DST: variants seen among roughly 807,000 people sequenced by gnomAD.
The protein encoded by DST is bullous pemphigoid antigen.
In DST, 253 loss-of-function variants were observed where a neutral mutation model predicts 875.2. That is an observed-to-expected ratio of 0.29 (90% CI 0.26 to 0.32). The LOEUF is 0.32. Among genes scored for constraint, DST ranks in the 10% least tolerant of loss-of-function variants. DST has a pLI of 1.00. For missense variants in DST, 8,287 were observed against 9,111.6 expected (o/e 0.91, Z 3.68); for synonymous variants, 3,124 against 3,197.1 (o/e 0.98, Z 0.77).
chr6:56,775,314 A>G (rs1357278131), intron 4 of DST, among the ~76,000 whole-genome samples: 14 of 152,170 alleles, frequency 9.2e-5, no homozygotes, highest in Admixed American at 8.5e-4. Flanking sequence ...CGTCATTACT[A>G]TCCACAAACT....
intron 48 of DST, among the ~76,000 whole-genome samples, chr6:56,592,662 T>C (rs1338562092): frequency 6.6e-6 from 1 of 152,130 alleles, no homozygotes. Context: ...AGGAAGGAGA[T>C]TTTGATACAC....
At chr6:56,512,257 C>T (rs931275002) in intron 72 of DST, among the ~76,000 whole-genome samples, 5 of 152,262 alleles carry the variant, frequency 3.3e-5, no homozygotes, top group South Asian at 2.1e-4. Context: ...TATACTAGTG[C>T]GTGGGTGTAG....
intron 5 of DST, among the ~76,000 whole-genome samples, chr6:56,705,954 A>T (rs2099331132): frequency 6.6e-6 from 1 of 152,250 alleles, no homozygotes; most frequent in South Asian, 2.1e-4. Context: ...ACAAAGTTTA[A>T]AAATACTTTA....
intron 74 of DST, 50 bp from the exon 75 acceptor site, chr6:56,508,805 C>A: frequency 7.1e-7 from 1 of 1,415,442 alleles, no homozygotes; most frequent in African/African-American, 1.4e-5. Context: ...CCCACGTAAC[C>A]AACAAAGCAG....
intron 26 of DST, 101 bp from the exon 27 acceptor site, chr6:56,634,359 G>A: frequency 6.2e-7 from 1 of 1,607,372 alleles, no homozygotes. Context: ...ATGAGTTCTA[G>A]AGACTTTTGA....
chr6:56,531,031 T>A (rs904520285), intron 64 of DST, among the ~76,000 whole-genome samples: 1 of 152,214 alleles, frequency 6.6e-6, no homozygotes, highest in African/African-American at 2.4e-5. Flanking sequence ...CTATTAAACA[T>A]AATTTCTATA....
In DST at chr6:56,608,368, A is replaced by C. The variant is rs745852516; in HGVS notation, c.6260T>G (p.Leu2087Trp). The stretch of plus-strand genomic sequence containing the variant: ...TTCATTTGTAATCAATTCTTGCTGC[A>C]AGGAAGATGATGTGGGAAATATTTC... ...SGEIFPTSSS[L>W]QQELITNELA... The change falls in exon 40 of 104, where the codon TTG becomes TGG. Residue 2087 changes from leucine to tryptophan, a missense_variant. Leu to Trp is a moderately conservative substitution (Grantham distance 61). Around this residue, in one of 10 missense-constraint regions of DST, gnomAD observed 3,138 missense variants for 3,116.6 expected, o/e 1.01. Transcript: ENST00000680361. 1 of 1,612,888 alleles carries C rather than the reference A, an allele frequency of 6.2e-7. No individual in the cohort carries two copies. The highest frequency in any genetic ancestry group is 1.1e-5 in the South Asian group (1 of 91,080).
In DST at chr6:56,918,103, T is replaced by G. The variant is rs900070192; in HGVS notation, c.217-17482A>C. On this transcript the variant is annotated intron_variant, in intron 2 of 103. Transcript: ENST00000680361. Reference sequence around the variant, plus strand: ...TCTACATTGCTCTTTTTATGACATTTCAGGTTCAGGTGTACATTCTTTTTT... The same window carrying G: ...TCTACATTGCTCTTTTTATGACATTGCAGGTTCAGGTGTACATTCTTTTTT... 5.9e-5 allele frequency among the ~76,000 whole-genome samples: 9 copies of G among 151,846 alleles called. No individual in the cohort carries two copies. In the South Asian group the frequency reaches 1.9e-3, roughly 32 times the overall value.
intron 36 of DST, chr6:56,620,553 G>A (rs1360335088): frequency 2.5e-6 from 4 of 1,613,866 alleles, no homozygotes; most frequent in Non-Finnish European, 3.4e-6. Context: ...ACCTTCGGAA[G>A]TTCTTCCTCT....
chr6:56,801,587 TTATAAC>T (rs1229232094), intron 4 of DST, among the ~76,000 whole-genome samples: 2 of 152,128 alleles, frequency 1.3e-5, no homozygotes, highest in Non-Finnish European at 2.9e-5. Flanking sequence ...AACTTCATCT[TTATAAC>T]TACATGGAGA....
In DST at chr6:56,654,827, G is replaced by A. The variant is rs77093508; in HGVS notation, c.1215-3583C>T. On this transcript the variant is annotated intron_variant, in intron 10 of 103. Coordinates refer to ENST00000680361, the MANE Select transcript of DST (RefSeq NM_001374736.1). ...CATTAGCTCACATGAGAATTAGATA[G>A]GATTCTGCAGGAACATATGACTTCT... Among the ~76,000 whole-genome samples, 1,452 of 152,070 alleles carry A rather than the reference G, an allele frequency of 9.5e-3. 21 individuals carry two copies. Among genetic ancestry groups the A allele is most frequent in the African/African-American group, 0.033 (1,362 of 41,418 alleles).
At position 56,607,272 on chromosome 6, in the gene DST, A is replaced by T. The variant is rs763437932; in HGVS notation, c.7356T>A (p.Asn2452Lys). Residue 2452 changes from asparagine (N) to lysine (K), a missense_variant, in exon 40 of 104, where the codon AAT becomes AAA. By Grantham distance (94) the Asn-to-Lys change is moderately conservative. Around this residue, in one of 10 missense-constraint regions of DST, gnomAD observed 3,138 missense variants for 3,116.6 expected, o/e 1.01. Coordinates refer to ENST00000680361, the MANE Select transcript of DST (RefSeq NM_001374736.1). Reference sequence around the variant, plus strand: ...CATTGCTCTCTGGGGTGTGTGTATCATTAAAACTTCCCTGACTGTGCATCA... The same window carrying T: ...CATTGCTCTCTGGGGTGTGTGTATCTTTAAAACTTCCCTGACTGTGCATCA... ...DKLMHSQGSF[N>K]DTHTPESNGN... 10 of 1,613,442 alleles carry T rather than the reference A, an allele frequency of 6.2e-6. No individual in the cohort carries two copies. The African/African-American group carries it at 1.3e-4, about 22-fold the overall frequency.
At chr6:56,933,604 GA>G (rs35280577) in intron 2 of DST, among the ~76,000 whole-genome samples, 23,077 of 152,132 alleles carry the variant, frequency 0.15, 1,950 homozygotes, top group Middle Eastern at 0.23. Context: ...GGAAGAAAAT[GA>G]TGTTTAATCC....
chr6:56,541,790 A>G (rs1253583323), intron 61 of DST, among the ~76,000 whole-genome samples: 1 of 152,180 alleles, frequency 6.6e-6, no homozygotes, highest in East Asian at 1.9e-4. Flanking sequence ...TGATTTTAGG[A>G]TGATTCTAAA....
chr6:56,739,463 A>G (rs978702509), intron 4 of DST, among the ~76,000 whole-genome samples: 1 of 152,106 alleles, frequency 6.6e-6, no homozygotes, highest in African/African-American at 2.4e-5. Flanking sequence ...CTATCTGGTC[A>G]TTTAATGAGT....
chr6:56,555,878 T>C (rs1465276184), intron 59 of DST, 38 bp from the exon 60 acceptor site: 2 of 1,424,306 alleles, frequency 1.4e-6, no homozygotes, highest in East Asian at 2.4e-5. Context: ...AATTATTATA[T>C]AATTGATTGT....
At chr6:56,559,823 T>C (rs2097505866) in intron 58 of DST, among the ~76,000 whole-genome samples, 1 of 152,020 alleles carries the variant, frequency 6.6e-6, no homozygotes, top group Non-Finnish European at 1.5e-5. Context: ...AGGATAACTT[T>C]GGATGAAAAA....
intron 80 of DST, among the ~76,000 whole-genome samples, 157 bp downstream of exon 80, chr6:56,500,923 T>A (rs2096096937): frequency 6.6e-6 from 1 of 152,210 alleles, no homozygotes; most frequent in Admixed American, 6.5e-5. Flanking sequence ...TTGACTATAA[T>A]GTTTTAAGTA....
intron 70 of DST, 36 bp downstream of exon 70, chr6:56,517,465 A>AT: frequency 1.9e-6 from 3 of 1,605,886 alleles, no homozygotes; most frequent in Non-Finnish European, 2.6e-6. Context: ...ACACCAGCAA[A>AT]TAATTCATAT....
Sources: gnomAD v4.1 joint callset for allele counts (sites outside exome capture counted in the v4.1 genomes callset) on GRCh38, gnomAD v4.1.1 for gene constraint, gnomAD v4.1.1 regional missense constraint, MANE v1.5 for transcripts, NCBI Gene and HGNC (gene_info 2026-07-23, HGNC 2026-07-21) for gene names.